RTL9: variants seen among roughly 807,000 people sequenced by gnomAD.
RTL9 encodes retrotransposon Gag-like protein 9.
In RTL9, 19 loss-of-function variants were observed where a neutral mutation model predicts 44.7. That is an observed-to-expected ratio of 0.42 (90% CI 0.30 to 0.62). The LOEUF (loss-of-function observed/expected upper bound fraction) is 0.62. Ranked by LOEUF, RTL9 falls within the 20% of genes least tolerant of loss-of-function variation. RTL9 has a pLI of 0.16. For synonymous variants in RTL9, 407 were observed against 398.9 expected, an observed-to-expected ratio of 1.02 and a Z score of -0.24; for missense variants, 1,105 against 1,080.6, an observed-to-expected ratio of 1.02 and a Z score of -0.32.
chrX:110,372,413 G>A (rs920498139), intron 1 of RTL9, among the ~76,000 whole-genome samples: 4 of 112,055 alleles, frequency 3.6e-5, no homozygotes, highest in African/African-American at 1.3e-4. Context: ...GGTTTTTGTT[G>A]TGCATCCTTC....
intron 1 of RTL9, among the ~76,000 whole-genome samples, chrX:110,421,513 C>T (rs947587706): frequency 1.8e-5 from 2 of 112,562 alleles, no homozygotes; most frequent in African/African-American, 6.5e-5. Context: ...TTGCAATTGT[C>T]AGTATGCTTA....
intron 1 of RTL9, among the ~76,000 whole-genome samples, chrX:110,399,926 A>G (rs2068552638): frequency 8.9e-6 from 1 of 112,227 alleles, no homozygotes; most frequent in African/African-American, 3.2e-5. Flanking sequence ...TGAGTTAATT[A>G]GAATTATGAG....
chrX:110,374,452 A>G (rs1602942610), intron 1 of RTL9, among the ~76,000 whole-genome samples: 1 of 111,936 alleles, frequency 8.9e-6, no homozygotes, highest in South Asian at 3.7e-4. Context: ...TCCCCCAGCT[A>G]TCTATTTATT....
upstream of RTL9, among the ~76,000 whole-genome samples, chrX:110,414,538 T>C (rs753322732): frequency 1.6e-3 from 177 of 113,224 alleles, no homozygotes; most frequent in African/African-American, 5.3e-3. Flanking sequence ...GGCAATACTC[T>C]TGTTATTTTT....
intron 1 of RTL9, among the ~76,000 whole-genome samples, chrX:110,397,874 A>T (rs750790744): frequency 8.9e-6 from 1 of 111,758 alleles, no homozygotes; most frequent in Non-Finnish European, 1.9e-5. Flanking sequence ...ACTTATTTGG[A>T]TATGTCAGGG....
chrX:110,405,269 C>T (rs1402555518), intron 1 of RTL9, among the ~76,000 whole-genome samples: 1 of 111,538 alleles, frequency 9.0e-6, no homozygotes, highest in African/African-American at 3.3e-5. Flanking sequence ...TGCCAAATTG[C>T]AAAGGGAGCT....
chrX:110,382,260 G>A (rs1214432629), intron 1 of RTL9, among the ~76,000 whole-genome samples: 1 of 110,169 alleles, frequency 9.1e-6, no homozygotes, highest in Non-Finnish European at 1.9e-5. Flanking sequence ...TGGGAAGAAA[G>A]AGCACAATGG....
intron 1 of RTL9, among the ~76,000 whole-genome samples, chrX:110,429,899 G>T (rs1423221067): frequency 8.9e-6 from 1 of 112,317 alleles, no homozygotes; most frequent in Non-Finnish European, 1.9e-5. Context: ...CAATACCTGA[G>T]GTCTTTGAAG....
chrX:110,359,261 G>A (rs1296708771), intron 1 of RTL9, among the ~76,000 whole-genome samples: 1 of 110,884 alleles, frequency 9.0e-6, no homozygotes, highest in Admixed American at 9.7e-5. Context: ...TCCTGGGCAA[G>A]TCTACTTTGC....
chrX:110,415,768 C>T (rs1569425185), upstream of RTL9, among the ~76,000 whole-genome samples: 1 of 111,580 alleles, frequency 9.0e-6, no homozygotes, highest in Non-Finnish European at 1.9e-5. Context: ...CAGTAAAATA[C>T]TCATTCCTTC....
chrX:110,371,378 A>AT (rs1176422461), intron 1 of RTL9, among the ~76,000 whole-genome samples: 2 of 112,108 alleles, frequency 1.8e-5, no homozygotes, highest in Non-Finnish European at 3.8e-5. Flanking sequence ...ACCCTCAAGC[A>AT]TTTACTCACT....
chrX:110,362,762 C>G (rs1471423315), intron 1 of RTL9, among the ~76,000 whole-genome samples: 2 of 111,982 alleles, frequency 1.8e-5, no homozygotes, highest in Non-Finnish European at 3.8e-5. Flanking sequence ...TATATGACTT[C>G]CTATTGAAAA....
chrX:110,450,053 A>C (rs2068929679), upstream of RTL9, among the ~76,000 whole-genome samples: 1 of 111,646 alleles, frequency 9.0e-6, no homozygotes, highest in Non-Finnish European at 1.9e-5. Flanking sequence ...GATTAGATAA[A>C]TGTCTCCCTT....
chrX:110,361,073 T>A (rs752407743), intron 1 of RTL9, among the ~76,000 whole-genome samples: 3 of 110,551 alleles, frequency 2.7e-5, no homozygotes, highest in Non-Finnish European at 5.7e-5. Context: ...CTAATAGGTA[T>A]CTCCAACTTA....
At chrX:110,405,673 T>C (rs2068596164) in intron 1 of RTL9, among the ~76,000 whole-genome samples, 1 of 111,735 alleles carries the variant, frequency 8.9e-6, no homozygotes, top group African/African-American at 3.3e-5. Context: ...TTATATAAGG[T>C]ATCTCTATTA....
upstream of RTL9, among the ~76,000 whole-genome samples, chrX:110,415,262 T>C (rs187849356): frequency 3.0e-4 from 34 of 112,430 alleles, 3 homozygotes; most frequent in East Asian, 9.2e-3. Context: ...TTGGAAAGTT[T>C]AGTGACATGA....
intron 1 of RTL9, among the ~76,000 whole-genome samples, chrX:110,381,513 AAGATTTCTCAAAGATCTAAAAAT>A (rs1250977104): frequency 1.8e-5 from 2 of 111,939 alleles, no homozygotes; most frequent in Non-Finnish European, 3.8e-5. Context: ...AAAGCAGTTA[AAGATTTCTCAAAGATCTAAAAAT>A]AGAAATACCA....
chrX:110,392,097 A>G (rs1361436253), intron 1 of RTL9, among the ~76,000 whole-genome samples: 1 of 111,857 alleles, frequency 8.9e-6, no homozygotes, highest in Non-Finnish European at 1.9e-5. Context: ...TGTATGAAAG[A>G]CTGACAAATA....
chrX:110,447,111 CTTTT>C (rs1181988453), upstream of RTL9, among the ~76,000 whole-genome samples: 4 of 36,827 alleles, frequency 1.1e-4, no homozygotes, highest in African/African-American at 6.2e-4. Context: ...TATTCTGTGA[CTTTT>C]TTTTTTTTTT....
Sources: gnomAD v4.1 joint callset for allele counts (sites outside exome capture counted in the v4.1 genomes callset) on GRCh38, gnomAD v4.1.1 for gene constraint, MANE v1.5 for transcripts, NCBI Gene and HGNC (gene_info 2026-07-23, HGNC 2026-07-21) for gene names.